The following DST variants were observed in gnomAD, a reference collection of about 807,000 sequenced individuals.
DST encodes bullous pemphigoid antigen.
In DST, 253 loss-of-function variants were observed where a neutral mutation model predicts 875.2. The ratio of observed to expected loss-of-function variants is 0.29; its 90% CI spans 0.26 to 0.32. The LOEUF (loss-of-function observed/expected upper bound fraction) is 0.32, where lower values mean the gene tolerates loss of function less well. Ranked by LOEUF, DST falls within the 10% of genes least tolerant of loss-of-function variation. The pLI is 1.00. For synonymous variants in DST, 3,124 were observed against 3,197.1 expected, an observed-to-expected ratio of 0.98 and a Z score of 0.77; for missense variants, 8,287 against 9,111.6, an observed-to-expected ratio of 0.91 and a Z score of 3.68.
chr6:56,580,057 G>A (rs1585440371), intron 49 of DST, among the ~76,000 whole-genome samples: 1 of 152,316 alleles, frequency 6.6e-6, no homozygotes, highest in East Asian at 1.9e-4. Flanking sequence ...GTTGGGAAGA[G>A]TCCAAAGGAC....
chr6:56,922,640 A>G (rs1169576443), intron 2 of DST, among the ~76,000 whole-genome samples: 1 of 152,128 alleles, frequency 6.6e-6, no homozygotes, highest in Non-Finnish European at 1.5e-5. Flanking sequence ...CAATTTGAGA[A>G]CTACCCTTAC....
chr6:56,541,187 G>A (rs566549342), intron 61 of DST: 5 of 152,680 alleles, frequency 3.3e-5, no homozygotes, highest in African/African-American at 1.2e-4. Flanking sequence ...TTTCTTTTCC[G>A]CATGAGATTT....
chr6:56,582,523 T>C (rs2098027207), intron 49 of DST, among the ~76,000 whole-genome samples: 1 of 152,172 alleles, frequency 6.6e-6, no homozygotes, highest in Non-Finnish European at 1.5e-5. Flanking sequence ...GTCAGTGCCA[T>C]GCTTGTAGAC....
In DST at chr6:56,603,550, T is replaced by C. The variant is rs769017259; in HGVS notation, c.10941+14A>G. The C allele has an allele frequency of 1.2e-6, 2 of 1,601,334 alleles. No homozygotes were observed. Among genetic ancestry groups the C allele is most frequent in the African/African-American group, 1.3e-5 (1 of 74,330 alleles). Reference sequence around the variant, plus strand: ...CTGACTACCATCCATAAAGAGGCAGTAGACAATTCTTACCTCCAACTGTCT... The same window carrying C: ...CTGACTACCATCCATAAAGAGGCAGCAGACAATTCTTACCTCCAACTGTCT... On this transcript the variant is annotated intron_variant, in intron 41 of 103. Transcript: ENST00000680361.
At chr6:56,753,896 C>T (rs2099595152) in intron 4 of DST, among the ~76,000 whole-genome samples, 1 of 152,130 alleles carries the variant, frequency 6.6e-6, no homozygotes, top group Admixed American at 6.6e-5. Context: ...TTATGTCTAC[C>T]CTTAAAACAC....
At chr6:56,688,159 T>C (rs190907355) in intron 9 of DST, among the ~76,000 whole-genome samples, 1 of 152,286 alleles carries the variant, frequency 6.6e-6, no homozygotes, top group Admixed American at 6.5e-5. Context: ...TCTAAATGAC[T>C]AGAAATAGTC....
intron 2 of DST, among the ~76,000 whole-genome samples, chr6:56,907,002 C>G (rs866079154): frequency 1.4e-4 from 21 of 152,210 alleles, no homozygotes; most frequent in African/African-American, 4.8e-4. Context: ...AGAGCCCACT[C>G]TAGATCTTCC....
At chr6:56,740,539 G>T (rs1340418690) in intron 4 of DST, among the ~76,000 whole-genome samples, 1 of 152,164 alleles carries the variant, frequency 6.6e-6, no homozygotes, top group African/African-American at 2.4e-5. Context: ...AAGAATCTCT[G>T]ACTTAATCAT....
At chr6:56,641,812 G>A (rs747549528) in intron 17 of DST, 135 bp downstream of exon 17, 1 of 686,342 alleles carries the variant, frequency 1.5e-6, no homozygotes, top group Non-Finnish European at 2.3e-6. Context: ...ATATAAAAAT[G>A]TGACACACAT....
rs1315268165 is a variant in DST, at chr6:56,843,724, GGTGGAGA to G, written c.625+7666_625+7672del. 13,174 of 331,084 alleles carry G rather than the reference GGTGGAGA, an allele frequency of 0.04. 882 individuals are homozygous for G. The highest frequency in any genetic ancestry group is 0.072 in the Admixed American group (1,038 of 14,472). 20.5% of individuals were successfully genotyped at this position (331,084 alleles called of 1,614,324 possible). On this transcript the variant is annotated intron_variant, in intron 4 of 103. Coordinates refer to ENST00000680361, the MANE Select transcript of DST (RefSeq NM_001374736.1). ...GGAGGGAGGAGGGTGGAGGGTGGAG[GGTGGAGA>G]GTGGAGGGTGGAGGGTGGAGGGTGG... is the stretch of plus-strand genomic sequence containing the variant.
At chr6:56,479,754 A>C (rs2152417040) in intron 90 of DST, among the ~76,000 whole-genome samples, 1 of 152,284 alleles carries the variant, frequency 6.6e-6, no homozygotes, top group East Asian at 1.9e-4. Flanking sequence ...GATGGAAATA[A>C]TAGACACTGA....
intron 4 of DST, among the ~76,000 whole-genome samples, chr6:56,811,183 C>CAA (rs371256050): frequency 0.028 from 943 of 33,324 alleles, 93 homozygotes; most frequent in African/African-American, 0.093. Context: ...GACCCTGTCT[C>CAA]AAAAAAAAAA....
chr6:56,833,341 T>C lies in DST; in HGVS notation c.625+18056A>G, dbSNP rs114672040. 1.9e-3 allele frequency among the ~76,000 whole-genome samples: 295 copies of C among 152,348 alleles called. 1 individual carries two copies. Among genetic ancestry groups the C allele is most frequent in the African/African-American group, 6.9e-3 (286 of 41,586 alleles). On this transcript the variant is annotated intron_variant, in intron 4 of 103. Coordinates refer to ENST00000680361, the MANE Select transcript of DST (RefSeq NM_001374736.1). The stretch of plus-strand genomic sequence containing the variant: ...TGTGTTTGTGGATACTGTATACATA[T>C]AGCACTACATCCAGGCCATAATCAA...
At chr6:56,705,419 T>C (rs1194621884) in intron 5 of DST, among the ~76,000 whole-genome samples, 3 of 152,204 alleles carry the variant, frequency 2.0e-5, no homozygotes, top group Admixed American at 1.3e-4. Flanking sequence ...TCTAAACTTA[T>C]AATCAAAACT....
intron 4 of DST, among the ~76,000 whole-genome samples, chr6:56,829,245 C>T (rs979961882): frequency 6.6e-6 from 1 of 152,166 alleles, no homozygotes; most frequent in African/African-American, 2.4e-5. Context: ...AAGAACAACA[C>T]ATAGTGACAA....
In DST at chr6:56,605,856, G is replaced by A; in HGVS notation, c.8772C>T (p.Ile2924=). 1 of 1,612,426 alleles carries A rather than the reference G, an allele frequency of 6.2e-7. No individual in the cohort carries two copies. Among genetic ancestry groups the A allele is most frequent in the African/African-American group, 1.3e-5 (1 of 74,946 alleles). The change falls in exon 40 of 104, where the codon ATC becomes ATT. Residue 2924 remains isoleucine, a synonymous_variant. Transcript: ENST00000680361. ...EMVLKDVLPP[I]IKDTESEKTF... ...TTTTTTCAGATTCAGTGTCTTTAAT[G>A]ATAGGCGGCAATACATCCTTAAGTA...
rs1176032393 is a variant in DST at position 56,608,606 on chromosome 6, C to T, written c.6022G>A (p.Glu2008Lys). The T allele has an allele frequency of 1.2e-6, 2 of 1,613,268 alleles. No individual in the cohort carries two copies. The highest frequency in any genetic ancestry group is 2.2e-5 in the East Asian group (1 of 44,848). ...NSNSGQRMTV[E>K]EAVREGVIDR... ...ATCACCCCTTCTCTGACAGCTTCTT[C>T]AACAGTCATTCTTTGGCCAGAGTTG... The change falls in exon 40 of 104, where the codon GAA becomes AAA. Residue 2008 changes from glutamate to lysine, a missense_variant. Around this residue, in one of 10 missense-constraint regions of DST, gnomAD observed 3,138 missense variants for 3,116.6 expected, o/e 1.01. Transcript: ENST00000680361.
At chr6:56,760,156 G>C (rs968767912) in intron 4 of DST, among the ~76,000 whole-genome samples, 2 of 151,974 alleles carry the variant, frequency 1.3e-5, no homozygotes, top group Admixed American at 6.6e-5. Context: ...TATATTCAAA[G>C]ACACATATCT....
chr6:56,793,642 G>C (rs1483583777), intron 4 of DST, among the ~76,000 whole-genome samples: 2 of 152,148 alleles, frequency 1.3e-5, no homozygotes, highest in Admixed American at 6.5e-5. Flanking sequence ...CTTTTTCTTA[G>C]TGCAGCAAAT....
Sources: allele counts gnomAD v4.1 joint callset (sites outside exome capture counted in the v4.1 genomes callset), GRCh38; gene constraint gnomAD v4.1.1; regional missense constraint gnomAD v4.1.1; transcripts MANE v1.5; gene names NCBI Gene and HGNC (gene_info 2026-07-23, HGNC 2026-07-21).